ARL15: variants seen among roughly 807,000 people sequenced by gnomAD.
ARL15 encodes ADP-ribosylation factor-like protein 15.
Under a neutral mutation model 25.2 loss-of-function variants are expected in ARL15, and 19 were observed. The observed-to-expected ratio is 0.75, with a 90% CI of 0.53 to 1.10. The LOEUF is 1.10. ARL15 is among the 50% of genes least tolerant of loss of function. The pLI, the probability that ARL15 is intolerant of heterozygous loss-of-function variation, is 0.00. For synonymous variants in ARL15, 94 were observed against 86.8 expected, an observed-to-expected ratio of 1.08 and a Z score of -0.46; for missense variants, 220 against 246.0, an observed-to-expected ratio of 0.89 and a Z score of 0.71.
At chr5:54,228,753 G>C (rs1022554716) in intron 1 of ARL15, among the ~76,000 whole-genome samples, 2 of 152,070 alleles carry the variant, frequency 1.3e-5, no homozygotes, top group Non-Finnish European at 2.9e-5. Context: ...TCAGGAATCA[G>C]GAAGAAAACT....
chr5:54,250,694 G>GT (rs1182333856), intron 1 of ARL15, among the ~76,000 whole-genome samples: 1 of 152,118 alleles, frequency 6.6e-6, no homozygotes, highest in Non-Finnish European at 1.5e-5. Context: ...CCAAGAGCTG[G>GT]TGACAAAGGG....
chr5:54,016,548 T>C (rs1749434956), intron 4 of ARL15, among the ~76,000 whole-genome samples: 2 of 152,222 alleles, frequency 1.3e-5, no homozygotes, highest in Non-Finnish European at 2.9e-5. Context: ...ACAAGTTATG[T>C]AGCCTTTCTG....
chr5:53,988,439 T>C lies in ARL15; in HGVS notation c.463-101726A>G, dbSNP rs373805466. 2.6e-5 allele frequency among the ~76,000 whole-genome samples: 4 copies of C among 152,282 alleles called. No homozygotes were observed. In the East Asian group the frequency reaches 7.7e-4, roughly 29 times the overall value. On this transcript the variant is annotated intron_variant, in intron 4 of 4. Transcript: ENST00000504924. ...AGAATCAGGTGAGTTGAGTTACAAGTTGCTTTATTATAGTTCTTGACGCAT... is the reference window on the plus strand; with the variant it reads ...AGAATCAGGTGAGTTGAGTTACAAGCTGCTTTATTATAGTTCTTGACGCAT...
chr5:54,000,495 A>C (rs2111718234), intron 4 of ARL15, among the ~76,000 whole-genome samples: 1 of 152,324 alleles, frequency 6.6e-6, no homozygotes, highest in Middle Eastern at 3.4e-3. Flanking sequence ...GGAGAGAATG[A>C]TGTAACAACT....
intron 1 of ARL15, among the ~76,000 whole-genome samples, chr5:54,267,438 T>A (rs2112635982): frequency 6.6e-6 from 1 of 152,328 alleles, no homozygotes; most frequent in South Asian, 2.1e-4. Flanking sequence ...TGTTTCAGCA[T>A]CCTCTGCATT....
chr5:54,271,535 G>A (rs937213389), intron 1 of ARL15, among the ~76,000 whole-genome samples: 7 of 152,148 alleles, frequency 4.6e-5, no homozygotes, highest in African/African-American at 7.2e-5. Context: ...TGTTGGGTAC[G>A]AATGCAAATT....
At chr5:54,139,762 G>A (rs1753716647) in intron 3 of ARL15, among the ~76,000 whole-genome samples, 1 of 152,118 alleles carries the variant, frequency 6.6e-6, no homozygotes, top group Non-Finnish European at 1.5e-5. Flanking sequence ...AGCCCAGGAG[G>A]TGGAGGCTGC....
At chr5:54,029,684 C>T (rs919907060) in intron 4 of ARL15, among the ~76,000 whole-genome samples, 1 of 152,014 alleles carries the variant, frequency 6.6e-6, no homozygotes, top group Non-Finnish European at 1.5e-5. Flanking sequence ...CACAGAAAGA[C>T]CCTGTCTCTA....
At chr5:54,137,846 G>A (rs1753651647) in intron 3 of ARL15, among the ~76,000 whole-genome samples, 1 of 151,130 alleles carries the variant, frequency 6.6e-6, no homozygotes, top group Non-Finnish European at 1.5e-5. Flanking sequence ...CAGAAGCTTT[G>A]AATCCCGTAA....
intron 4 of ARL15, among the ~76,000 whole-genome samples, chr5:54,104,360 G>C (rs1395539889): frequency 6.6e-6 from 1 of 152,070 alleles, no homozygotes; most frequent in Non-Finnish European, 1.5e-5. Context: ...CTGATTATGA[G>C]GCTGGGGGTA....
chr5:54,070,593 C>A (rs954607038), intron 4 of ARL15, among the ~76,000 whole-genome samples: 3 of 152,074 alleles, frequency 2.0e-5, no homozygotes, highest in Non-Finnish European at 4.4e-5. Context: ...GTAATTCCAG[C>A]ACTTTGGGAG....
intron 4 of ARL15, among the ~76,000 whole-genome samples, chr5:54,091,043 T>C (rs1752112348): frequency 6.6e-6 from 1 of 152,200 alleles, no homozygotes; most frequent in Non-Finnish European, 1.5e-5. Flanking sequence ...AAGTACTAGG[T>C]TGAAAACCAG....
chr5:53,975,989 T>C (rs1172588181), intron 4 of ARL15, among the ~76,000 whole-genome samples: 1 of 152,236 alleles, frequency 6.6e-6, no homozygotes, highest in East Asian at 1.9e-4. Context: ...GGATTGAAGA[T>C]TCGCACATCC....
chr5:53,936,851 T>C (rs1746362868), intron 4 of ARL15, among the ~76,000 whole-genome samples: 1 of 152,236 alleles, frequency 6.6e-6, no homozygotes, highest in Non-Finnish European at 1.5e-5. Context: ...TCTTGCCCAG[T>C]GCGATTTCCA....
chr5:54,046,807 A>G (rs1030162198), intron 4 of ARL15, among the ~76,000 whole-genome samples: 1 of 152,222 alleles, frequency 6.6e-6, no homozygotes, highest in Non-Finnish European at 1.5e-5. Flanking sequence ...TGCAGGGCTT[A>G]CTGGGGACAG....
intron 2 of ARL15, among the ~76,000 whole-genome samples, chr5:54,167,930 T>A (rs778305784): frequency 2.6e-5 from 4 of 152,170 alleles, no homozygotes; most frequent in Non-Finnish European, 5.9e-5. Flanking sequence ...TGTCACCACA[T>A]CCAATGGCCT....
intron 4 of ARL15, among the ~76,000 whole-genome samples, chr5:53,932,564 G>T (rs967051952): frequency 1.3e-5 from 2 of 152,250 alleles, no homozygotes; most frequent in African/African-American, 4.8e-5. Context: ...TTACGCCAAT[G>T]AAGTGGTACT....
chr5:53,996,389 C>T (rs1465921499), intron 4 of ARL15, among the ~76,000 whole-genome samples: 2 of 151,780 alleles, frequency 1.3e-5, no homozygotes, highest in Non-Finnish European at 2.9e-5. Flanking sequence ...GAGACTGAGG[C>T]GGGTAGATCA....
intron 1 of ARL15, among the ~76,000 whole-genome samples, chr5:54,240,938 C>T (rs528257150): frequency 6.6e-6 from 1 of 152,146 alleles, no homozygotes; most frequent in Non-Finnish European, 1.5e-5. Flanking sequence ...CACTTCTGAT[C>T]CCACGCATTT....
Sources: allele counts gnomAD v4.1 joint callset (sites outside exome capture counted in the v4.1 genomes callset), GRCh38; gene constraint gnomAD v4.1.1; transcripts MANE v1.5; gene names NCBI Gene and HGNC (gene_info 2026-07-23, HGNC 2026-07-21).